Variants in PIK3R3 observed in about 807,000 individuals in gnomAD.
PIK3R3 encodes the protein phosphoinositide-3-kinase regulatory subunit 3.
Under a neutral mutation model 62.9 loss-of-function variants are expected in PIK3R3, and 64 were observed. The observed-to-expected ratio is 1.02, with a 90% CI of 0.83 to 1.25. The LOEUF (loss-of-function observed/expected upper bound fraction) is 1.25. Among genes scored for constraint, PIK3R3 ranks in the 50% most tolerant of loss-of-function variants. PIK3R3 has a pLI of 0.00. For synonymous variants in PIK3R3, 165 were observed against 189.0 expected, an observed-to-expected ratio of 0.87 and a Z score of 1.04; for missense variants, 614 against 561.6, an observed-to-expected ratio of 1.09 and a Z score of -0.94.
At chr1:46,113,392 C>T (rs1653910028) in intron 1 of PIK3R3, among the ~76,000 whole-genome samples, 1 of 150,834 alleles carries the variant, frequency 6.6e-6, no homozygotes, top group Non-Finnish European at 1.5e-5. Flanking sequence ...CTCCTGGGCT[C>T]AAGGAATCCT....
rs1264553948 is a variant in PIK3R3 at position 46,077,567 on chromosome 1, A to C, written c.262T>G (p.Leu88Val). 1.9e-6 allele frequency: 3 copies of C among 1,612,578 alleles called. No individual in the cohort carries two copies. The highest frequency in any genetic ancestry group is 2.5e-6 in the Non-Finnish European group (3 of 1,178,710). ...ATTTTTGTTGAGGCATCTCGGACCA[A>C]GAAGGTCCCATCTGGCATATCCCGC... ...KLRDMPDGTF[L>V]VRDASTKMQG... is the part of the protein sequence containing the mutation. Residue 88 changes from leucine (L) to valine (V), a missense_variant, in exon 3 of 10, where the codon TTG becomes GTG. Transcript: ENST00000262741.
chr1:46,146,320 G>C, the PIK3R3 span, among the ~76,000 whole-genome samples: 6 of 152,074 alleles, frequency 3.9e-5, 1 homozygote, highest in South Asian at 1.2e-3. Context: ...TGCTATCAGT[G>C]GTAAATTATT....
At chr1:46,128,565 T>A (rs2149477270) in intron 1 of PIK3R3, among the ~76,000 whole-genome samples, 2 of 152,364 alleles carry the variant, frequency 1.3e-5, no homozygotes, top group Middle Eastern at 6.8e-3. Context: ...AGCAATGAGT[T>A]GAGCAAGGAC....
chr1:46,150,309 G>A, the PIK3R3 span, among the ~76,000 whole-genome samples: 11 of 152,326 alleles, frequency 7.2e-5, no homozygotes, highest in East Asian at 7.7e-4. Flanking sequence ...AGTGTGCTGG[G>A]CTATTGTGGA....
At chr1:46,066,207 A>T in intron 4 of PIK3R3, 28 bp from the exon 5 acceptor site, 1 of 1,456,540 alleles carries the variant, frequency 6.9e-7, no homozygotes, top group South Asian at 1.2e-5. Flanking sequence ...AAAATAAAGA[A>T]TGTTAACAAT....
At chr1:46,057,417 T>C (rs785464) in intron 6 of PIK3R3, 69,737 of 152,158 alleles carry the variant, frequency 0.46, 16,117 homozygotes, top group East Asian at 0.62. Context: ...TACCCGAAAA[T>C]GGGGAAGTGA....
intron 1 of PIK3R3, among the ~76,000 whole-genome samples, chr1:46,096,129 G>C (rs892304060): frequency 3.9e-5 from 6 of 152,202 alleles, no homozygotes; most frequent in African/African-American, 1.2e-4. Context: ...CTGGAGTATA[G>C]AATGAGTGGG....
chr1:46,092,822 C>T (rs78319590), intron 1 of PIK3R3, among the ~76,000 whole-genome samples: 2 of 150,398 alleles, frequency 1.3e-5, no homozygotes, highest in Admixed American at 6.7e-5. Context: ...GTCTTCATTT[C>T]TCTCTCTCTC....
chr1:46,097,079 T>C (rs1221093397), intron 1 of PIK3R3, among the ~76,000 whole-genome samples: 2 of 151,478 alleles, frequency 1.3e-5, no homozygotes, highest in Non-Finnish European at 1.5e-5. Context: ...GCAAACCAAC[T>C]CCAGCAACAT....
intron 1 of PIK3R3, among the ~76,000 whole-genome samples, chr1:46,109,586 C>T (rs559317358): frequency 2.6e-5 from 4 of 151,982 alleles, no homozygotes; most frequent in African/African-American, 9.7e-5. Flanking sequence ...TGGGTTCAAG[C>T]GATTCTCCTG....
upstream of PIK3R3, among the ~76,000 whole-genome samples, chr1:46,137,258 A>G (rs915539727): frequency 6.6e-6 from 1 of 152,240 alleles, no homozygotes; most frequent in Non-Finnish European, 1.5e-5. Flanking sequence ...AAAAGTGAAT[A>G]AGACTGAGTC....
At chr1:46,130,196 T>A (rs785503) in intron 1 of PIK3R3, among the ~76,000 whole-genome samples, 1 of 152,032 alleles carries the variant, frequency 6.6e-6, no homozygotes, top group Admixed American at 6.5e-5. Flanking sequence ...AGGTACTATA[T>A]AATGCAGTAT....
the PIK3R3 span, among the ~76,000 whole-genome samples, chr1:46,140,521 G>A: frequency 6.6e-6 from 1 of 152,186 alleles, no homozygotes; most frequent in Admixed American, 6.5e-5. Context: ...TAAAGATCTT[G>A]AGATAAGATC....
At chr1:46,128,669 A>C (rs1571576918) in intron 1 of PIK3R3, among the ~76,000 whole-genome samples, 1 of 152,200 alleles carries the variant, frequency 6.6e-6, no homozygotes, top group African/African-American at 2.4e-5. Flanking sequence ...TACTTGCAAG[A>C]CCCTGGGCAA....
At chr1:46,108,668 C>T (rs1268942965) in intron 1 of PIK3R3, among the ~76,000 whole-genome samples, 1 of 152,146 alleles carries the variant, frequency 6.6e-6, no homozygotes, top group African/African-American at 2.4e-5. Context: ...CTACACTCTT[C>T]GTCATACCCA....
At chr1:46,150,437 T>C in the PIK3R3 span, among the ~76,000 whole-genome samples, 1 of 152,210 alleles carries the variant, frequency 6.6e-6, no homozygotes, top group Non-Finnish European at 1.5e-5. Flanking sequence ...AGTTAATCAG[T>C]AGGTCTTTGA....
chr1:46,139,465 C>T, the PIK3R3 span, among the ~76,000 whole-genome samples: 1 of 152,128 alleles, frequency 6.6e-6, no homozygotes, highest in Non-Finnish European at 1.5e-5. Context: ...ACCACCATGC[C>T]TGGCTAATTT....
the PIK3R3 span, among the ~76,000 whole-genome samples, chr1:46,160,346 C>T: frequency 1.3e-5 from 2 of 152,206 alleles, no homozygotes; most frequent in Non-Finnish European, 2.9e-5. Context: ...GGTGAAGATT[C>T]TTCAACTTTC....
At chr1:46,106,866 C>T (rs1557616759) in intron 1 of PIK3R3, among the ~76,000 whole-genome samples, 1 of 152,030 alleles carries the variant, frequency 6.6e-6, no homozygotes, top group Non-Finnish European at 1.5e-5. Flanking sequence ...ACCTCTGCCG[C>T]CTGGGTTCAA....
Sources: gnomAD v4.1 joint callset for allele counts (sites outside exome capture counted in the v4.1 genomes callset) on GRCh38, gnomAD v4.1.1 for gene constraint, MANE v1.5 for transcripts, NCBI Gene and HGNC (gene_info 2026-07-23, HGNC 2026-07-21) for gene names.